Variants in CFAP61 observed in about 807,000 individuals in gnomAD.
CFAP61 encodes cilia and flagella associated protein 61.
CFAP61 carries 107 observed loss-of-function variants against 135.6 expected under a neutral mutation model. The ratio of observed to expected loss-of-function variants is 0.79; its 90% CI spans 0.67 to 0.93. The LOEUF is 0.93. Among genes scored for constraint, CFAP61 ranks in the 40% least tolerant of loss-of-function variants. The pLI is 0.00. For synonymous variants in CFAP61, 575 were observed against 578.5 expected (o/e 0.99, Z 0.09); for missense variants, 1,507 against 1,556.2 (o/e 0.97, Z 0.53).
chr20:20,096,553 A>G (rs531015503), intron 7 of CFAP61, among the ~76,000 whole-genome samples: 1 of 152,392 alleles, frequency 6.6e-6, no homozygotes, highest in East Asian at 1.9e-4. Context: ...GCTCGCTGTG[A>G]AGCCAGCAAA....
At chr20:20,107,653 G>T (rs931611684) in intron 8 of CFAP61, 5 of 152,068 alleles carry the variant, frequency 3.3e-5, no homozygotes, top group African/African-American at 1.2e-4. Flanking sequence ...CAGAGACAAG[G>T]TCTCATTTTG....
At chr20:20,278,487 G>A (rs182323701) in intron 22 of CFAP61, among the ~76,000 whole-genome samples, 329 of 152,338 alleles carry the variant, frequency 2.2e-3, no homozygotes, top group African/African-American at 7.4e-3. Context: ...AACCTTGCTC[G>A]AAAGGGAAGC....
chr20:20,111,266 A>C (rs1434925607), intron 8 of CFAP61, among the ~76,000 whole-genome samples: 1 of 152,208 alleles, frequency 6.6e-6, no homozygotes, highest in African/African-American at 2.4e-5. Context: ...TGAGATTAGG[A>C]ATCTCAAACT....
chr20:20,298,434 T>A, intron 25 of CFAP61, 48 bp downstream of exon 25: 1 of 1,487,048 alleles, frequency 6.7e-7, no homozygotes, highest in Non-Finnish European at 9.3e-7. Context: ...AATATATATA[T>A]AATGTCTGTG....
chr20:20,253,684 ACT>A (rs778245752), intron 20 of CFAP61: 1 of 403,498 alleles, frequency 2.5e-6, no homozygotes, highest in Non-Finnish European at 4.9e-6. Flanking sequence ...AATGGTACAC[ACT>A]GTCTCTGTCA....
At chr20:20,156,493 TCAC>T in intron 9 of CFAP61, among the ~76,000 whole-genome samples, 1 of 152,274 alleles carries the variant, frequency 6.6e-6, no homozygotes, top group South Asian at 2.1e-4. Flanking sequence ...ATGCCTTTTC[TCAC>T]CACTTCTAAT....
At chr20:20,105,299 T>C (rs6081876) in intron 8 of CFAP61, among the ~76,000 whole-genome samples, 102,687 of 151,914 alleles carry the variant, frequency 0.68, 35,106 homozygotes, top group Middle Eastern at 0.76. Context: ...TACAGGCTTC[T>C]GTGCCCTGGT....
intron 2 of CFAP61, among the ~76,000 whole-genome samples, chr20:20,057,258 C>A (rs1349062558): frequency 1.3e-5 from 2 of 151,826 alleles, no homozygotes; most frequent in African/African-American, 4.8e-5. Flanking sequence ...AGCAAGAAAT[C>A]TCTGGGAACA....
chr20:20,279,349 C>G (rs1236662339), intron 22 of CFAP61, among the ~76,000 whole-genome samples: 1 of 152,148 alleles, frequency 6.6e-6, no homozygotes, highest in East Asian at 1.9e-4. Context: ...AGAAGCCTAA[C>G]TGGTCACATA....
At chr20:20,123,349 C>A (rs1568952926) in intron 8 of CFAP61, among the ~76,000 whole-genome samples, 1 of 151,618 alleles carries the variant, frequency 6.6e-6, no homozygotes, top group African/African-American at 2.4e-5. Context: ...CTTGCCTAAG[C>A]CAATGTCTAG....
intron 26 of CFAP61, among the ~76,000 whole-genome samples, chr20:20,349,573 A>G (rs2058757223): frequency 6.6e-6 from 1 of 152,204 alleles, no homozygotes; most frequent in Non-Finnish European, 1.5e-5. Flanking sequence ...AGTTGAAGGG[A>G]AAAAAACATC....
At position 20,070,983 on chromosome 20, in the gene CFAP61, C is replaced by T. The variant is rs145673992; in HGVS notation, c.273C>T (p.Leu91=). 2.6e-5 allele frequency: 42 copies of T among 1,613,986 alleles called. No homozygotes were observed. In the African/African-American group the frequency reaches 3.2e-4, roughly 12 times the overall value. Residue 91 remains leucine (L), a synonymous_variant, in exon 3 of 27, where the codon CTC becomes CTT. Coordinates refer to ENST00000245957, the MANE Select transcript of CFAP61 (RefSeq NM_015585.4). ...ACTGGGTGTCAGTGTTCCGGGAGCT[C>T]GACAGTGACATCCCATGCACAGTAA... is the stretch of plus-strand genomic sequence containing the variant. ...QDDWVSVFRE[L]DSDIPCTPLN... is the part of the protein sequence containing the mutation.
intron 25 of CFAP61, among the ~76,000 whole-genome samples, chr20:20,308,935 A>T (rs761710413): frequency 6.6e-5 from 10 of 152,194 alleles, no homozygotes; most frequent in Non-Finnish European, 5.9e-5. Context: ...AAGCTGCTTT[A>T]ATATAAATAC....
chr20:20,330,299 A>G (rs78653309), intron 25 of CFAP61, among the ~76,000 whole-genome samples: 2,275 of 152,236 alleles, frequency 0.015, 66 homozygotes, highest in African/African-American at 0.051. Flanking sequence ...TGTGTATTTT[A>G]TACAGGAGGT....
intron 13 of CFAP61, among the ~76,000 whole-genome samples, chr20:20,184,790 GA>G (rs1190450691): frequency 6.6e-6 from 1 of 152,146 alleles, no homozygotes; most frequent in East Asian, 1.9e-4. Context: ...GATGAGATAG[GA>G]ACTTCTGATG....
chr20:20,156,815 G>A (rs913082357), intron 9 of CFAP61, among the ~76,000 whole-genome samples: 1 of 152,160 alleles, frequency 6.6e-6, no homozygotes, highest in Non-Finnish European at 1.5e-5. Context: ...CTTCTATGGT[G>A]AAAACTACAA....
rs1355074824 is a variant in CFAP61, at chr20:20,263,003, G to C, written c.2376G>C (p.Arg792Ser). ...EADISQHLTN[R>S]EVPNSSQRRY... ...ATATTAGTCAACACCTGACAAACAG[G>C]GAGGTTCCCAACAGCAGTCAGCGGC... Residue 792 changes from arginine (R) to serine (S), a missense_variant, in exon 21 of 27, where the codon AGG becomes AGC. Coordinates refer to ENST00000245957, the MANE Select transcript of CFAP61 (RefSeq NM_015585.4). The C allele has an allele frequency of 6.2e-7, 1 of 1,613,584 alleles. No homozygotes were observed. The highest frequency in any genetic ancestry group is 1.3e-5 in the African/African-American group (1 of 74,834).
intron 2 of CFAP61, among the ~76,000 whole-genome samples, chr20:20,062,693 A>G (rs2044897409): frequency 6.6e-6 from 1 of 152,214 alleles, no homozygotes; most frequent in African/African-American, 2.4e-5. Context: ...TAAGCAGGTA[A>G]TAAAAGGGCA....
At chr20:20,287,970 C>A (rs1317955422) in intron 22 of CFAP61, among the ~76,000 whole-genome samples, 6 of 152,170 alleles carry the variant, frequency 3.9e-5, no homozygotes, top group Non-Finnish European at 1.5e-5. Context: ...GCTTATGGCA[C>A]CCTCACACAG....
Sources: gnomAD v4.1 joint callset for allele counts (sites outside exome capture counted in the v4.1 genomes callset) on GRCh38, gnomAD v4.1.1 for gene constraint, MANE v1.5 for transcripts, NCBI Gene and HGNC (gene_info 2026-07-23, HGNC 2026-07-21) for gene names.